The following MSRA variants were observed in gnomAD, a reference collection of about 807,000 sequenced individuals.
MSRA encodes the protein methionine sulfoxide reductase A, also known as mitochondrial peptide methionine sulfoxide reductase.
Under a neutral mutation model 31.3 loss-of-function variants are expected in MSRA, and 54 were observed. The ratio of observed to expected loss-of-function variants is 1.73; its 90% CI spans 1.39 to 2.17. The LOEUF (loss-of-function observed/expected upper bound fraction) is 2.17. Among genes scored for constraint, MSRA ranks in the 30% most tolerant of loss-of-function variants. The pLI, the probability that MSRA is intolerant of heterozygous loss-of-function variation, is 0.00. For synonymous variants in MSRA, 169 were observed against 116.5 expected (o/e 1.45, Z -2.90); for missense variants, 507 against 300.9 (o/e 1.69, Z -5.07).
In MSRA at chr8:10,281,506, G is replaced by A. The variant is rs187490212; in HGVS notation, c.332-20028G>A. Among the ~76,000 whole-genome samples, 41 of 152,312 alleles carry A rather than the reference G, an allele frequency of 2.7e-4. 1 individual carries two copies. Among genetic ancestry groups the A allele is most frequent in the African/African-American group, 9.4e-4 (39 of 41,568 alleles). On this transcript the variant is annotated intron_variant, in intron 3 of 5. Transcript: ENST00000317173. ...GCGGTGCTTACTAACAAGCACACCC[G>A]ACCTAGACAGTATGATTTTGCAAAA...
At chr8:10,146,752 T>C (rs954084417) in intron 1 of MSRA, among the ~76,000 whole-genome samples, 3 of 152,146 alleles carry the variant, frequency 2.0e-5, no homozygotes, top group African/African-American at 7.2e-5. Context: ...TCACACTTTC[T>C]GGGCGTGGCG....
intron 2 of MSRA, among the ~76,000 whole-genome samples, chr8:10,232,136 C>T (rs796438239): frequency 1.3e-4 from 20 of 152,180 alleles, no homozygotes; most frequent in African/African-American, 4.3e-4. Flanking sequence ...TTGTTGTGTA[C>T]GTGGCTGTGT....
intron 3 of MSRA, among the ~76,000 whole-genome samples, chr8:10,256,609 T>C (rs1306790431): frequency 6.6e-6 from 1 of 152,136 alleles, no homozygotes; most frequent in Non-Finnish European, 1.5e-5. Context: ...TTTTCTTTTC[T>C]GAGCCACATA....
At chr8:10,240,261 G>T (rs553252016) in intron 2 of MSRA, among the ~76,000 whole-genome samples, 2 of 152,330 alleles carry the variant, frequency 1.3e-5, no homozygotes, top group African/African-American at 4.8e-5. Flanking sequence ...GAGGCACTTG[G>T]TGACAGTCTC....
intron 1 of MSRA, among the ~76,000 whole-genome samples, chr8:10,185,342 TG>T (rs1806936519): frequency 6.6e-6 from 1 of 152,200 alleles, no homozygotes; most frequent in South Asian, 2.1e-4. Context: ...TGCTACCAGC[TG>T]TGGATCTAGG....
At chr8:10,257,468 G>A (rs1438513122) in intron 3 of MSRA, among the ~76,000 whole-genome samples, 2 of 152,108 alleles carry the variant, frequency 1.3e-5, no homozygotes, top group African/African-American at 2.4e-5. Context: ...GTGCAATGGC[G>A]TGACCTCGGC....
chr8:10,079,290 C>T (rs1249525900), intron 1 of MSRA, among the ~76,000 whole-genome samples: 1 of 152,090 alleles, frequency 6.6e-6, no homozygotes, highest in Non-Finnish European at 1.5e-5. Flanking sequence ...TCCCACATAG[C>T]TGGGACTAAC....
At chr8:10,380,490 A>T (rs1264250185) in intron 5 of MSRA, among the ~76,000 whole-genome samples, 5 of 152,216 alleles carry the variant, frequency 3.3e-5, no homozygotes. Context: ...ACTTATGAGA[A>T]ATGCTGATGG....
chr8:10,162,380 A>T (rs995801174), intron 1 of MSRA, among the ~76,000 whole-genome samples: 2 of 152,216 alleles, frequency 1.3e-5, no homozygotes, highest in African/African-American at 4.8e-5. Flanking sequence ...TCTGTAGCCC[A>T]GAAAAATGTT....
chr8:10,373,186 C>T (rs1052643800), intron 5 of MSRA, among the ~76,000 whole-genome samples: 6 of 152,214 alleles, frequency 3.9e-5, no homozygotes, highest in African/African-American at 1.4e-4. Context: ...CCACCGCGCC[C>T]AGCCGCTAAG....
chr8:10,175,001 T>G (rs1316183875), intron 1 of MSRA, among the ~76,000 whole-genome samples: 1 of 152,206 alleles, frequency 6.6e-6, no homozygotes, highest in African/African-American at 2.4e-5. Flanking sequence ...TTAATTCCTA[T>G]AGCCCCTGAC....
chr8:10,113,070 C>G (rs1184159136), intron 1 of MSRA, among the ~76,000 whole-genome samples: 1 of 152,056 alleles, frequency 6.6e-6, no homozygotes, highest in Non-Finnish European at 1.5e-5. Flanking sequence ...AGGTATCCTC[C>G]AAGAGCGTAG....
intron 1 of MSRA, among the ~76,000 whole-genome samples, chr8:10,115,990 G>A (rs1052790445): frequency 9.9e-5 from 15 of 152,204 alleles, no homozygotes; most frequent in African/African-American, 2.7e-4. Context: ...CTTGATTCAC[G>A]CATGGTGGCT....
intron 5 of MSRA, among the ~76,000 whole-genome samples, chr8:10,352,972 C>A (rs140974250): frequency 5.3e-4 from 81 of 152,106 alleles, no homozygotes; most frequent in Non-Finnish European, 9.7e-4. Context: ...ACTGTCTTTG[C>A]GGTGTGCTCT....
chr8:10,331,653 C>T (rs1015739288), intron 5 of MSRA, among the ~76,000 whole-genome samples: 1 of 152,190 alleles, frequency 6.6e-6, no homozygotes, highest in Non-Finnish European at 1.5e-5. Context: ...TTTACGAATA[C>T]AGTCATCCTT....
intron 2 of MSRA, among the ~76,000 whole-genome samples, chr8:10,241,755 C>T (rs187051108): frequency 2.6e-5 from 4 of 152,304 alleles, no homozygotes; most frequent in East Asian, 1.9e-4. Flanking sequence ...ATAGCCCCAC[C>T]TCTAGTCTTG....
At chr8:10,212,201 T>G (rs1809563903) in intron 2 of MSRA, among the ~76,000 whole-genome samples, 1 of 151,782 alleles carries the variant, frequency 6.6e-6, no homozygotes, top group Non-Finnish European at 1.5e-5. Context: ...AAAAAAAAAT[T>G]TAAACTTTAC....
At chr8:10,290,952 G>T (rs1800200328) in intron 3 of MSRA, among the ~76,000 whole-genome samples, 2 of 152,146 alleles carry the variant, frequency 1.3e-5, no homozygotes, top group Admixed American at 6.5e-5. Context: ...ATGGGCACAG[G>T]TCCTTTTGTA....
At chr8:10,288,167 T>C (rs1379301192) in intron 3 of MSRA, among the ~76,000 whole-genome samples, 2 of 152,200 alleles carry the variant, frequency 1.3e-5, no homozygotes, top group Non-Finnish European at 2.9e-5. Context: ...CAGACTACTG[T>C]TTTTCAGGCT....
Sources: allele counts gnomAD v4.1 joint callset (sites outside exome capture counted in the v4.1 genomes callset), GRCh38; gene constraint gnomAD v4.1.1; transcripts MANE v1.5; gene names NCBI Gene and HGNC (gene_info 2026-07-23, HGNC 2026-07-21).